The following RAB3B variants were observed in gnomAD, a reference collection of about 807,000 sequenced individuals.
The protein encoded by RAB3B is RAB3B, member RAS oncogene family, also known as ras-related protein Rab-3B.
RAB3B carries 11 observed loss-of-function variants against 20.5 expected under a neutral mutation model. The ratio of observed to expected loss-of-function variants is 0.54; its 90% CI spans 0.34 to 0.89. The LOEUF (loss-of-function observed/expected upper bound fraction) is 0.89, where lower values mean the gene tolerates loss of function less well. Among genes scored for constraint, RAB3B ranks in the 40% least tolerant of loss-of-function variants. RAB3B has a pLI of 0.02. For synonymous variants in RAB3B, 99 were observed against 106.3 expected (o/e 0.93, Z 0.42); for missense variants, 225 against 280.9 (o/e 0.80, Z 1.42).
At chr1:51,946,993 A>G (rs571951875) in intron 2 of RAB3B, among the ~76,000 whole-genome samples, 1 of 152,252 alleles carries the variant, frequency 6.6e-6, no homozygotes, top group East Asian at 1.9e-4. Context: ...TAATTGTTAT[A>G]TCAGCTTGAA....
rs55842249 is a variant in RAB3B at position 51,912,600 on chromosome 1, TAA to T, written c.*7325_*7326del. 3,068 of 30,574 alleles carry T rather than the reference TAA, an allele frequency of 0.1. 928 individuals carry two copies. Among genetic ancestry groups the T allele is most frequent in the Non-Finnish European group, 0.12 (1,997 of 16,004 alleles). 1.9% of individuals were successfully genotyped at this position (30,574 alleles called of 1,614,324 possible). On this transcript the variant is annotated 3_prime_UTR_variant, in exon 5 of 5. Transcript: ENST00000371655. ...ATATATATATATATATATATATATA[TAA>T]AAAATGTTACTCCTGTGAGACAGAA...
intron 4 of RAB3B, among the ~76,000 whole-genome samples, chr1:51,930,844 CG>C (rs1348668216): frequency 6.6e-6 from 1 of 151,970 alleles, no homozygotes; most frequent in Non-Finnish European, 1.5e-5. Context: ...GATGAAACCC[CG>C]TCTCTACTGA....
rs867590270 is a variant in RAB3B, at chr1:51,913,368, C to A, written c.*6559G>T. 57 of 152,110 alleles carry A rather than the reference C, an allele frequency of 3.7e-4. 1 individual carries two copies. The highest frequency in any genetic ancestry group is 1.4e-3 in the African/African-American group (57 of 41,406). The allele number at this position is 152,110 out of a possible 1,614,324, so 9.4% of individuals were successfully genotyped here. A position where few individuals can be genotyped will look rare whatever the true frequency, so the allele number is the denominator to read the frequency against. On this transcript the variant is annotated 3_prime_UTR_variant, in exon 5 of 5. Transcript: ENST00000371655. The stretch of plus-strand genomic sequence containing the variant: ...ATGTTTTAAGACCCCAGGACATCTA[C>A]CAGACTTAGTTTCAGAGGACTGAGG...
chr1:51,989,434 G>C (rs868237655), intron 1 of RAB3B, among the ~76,000 whole-genome samples: 2 of 151,846 alleles, frequency 1.3e-5, no homozygotes, highest in Non-Finnish European at 2.9e-5. Context: ...ACAAGGTCCA[G>C]TGCCTGGGTC....
intron 2 of RAB3B, among the ~76,000 whole-genome samples, chr1:51,954,738 A>G (rs1282361758): frequency 2.0e-5 from 3 of 152,216 alleles, no homozygotes; most frequent in Non-Finnish European, 4.4e-5. Context: ...TTCCATTTTC[A>G]ATGGTTTGTA....
intron 2 of RAB3B, among the ~76,000 whole-genome samples, chr1:51,950,197 G>C (rs1684619438): frequency 6.6e-6 from 1 of 152,204 alleles, no homozygotes. Flanking sequence ...TTCTCACTCT[G>C]GGTCATGGGT....
rs779060771 is a variant in RAB3B, at chr1:51,982,519, G to A, written c.1-5402C>T. On this transcript the variant is annotated intron_variant, in intron 1 of 4. Transcript: ENST00000371655. ...CTGTAACCCCAGACTTTGGGAGGCC[G>A]AGGCAGGCAGATCACTTAAGGTCAG... Among the ~76,000 whole-genome samples the A allele has an allele frequency of 5.3e-5, 8 of 152,212 alleles. No homozygotes were observed. In the South Asian group the frequency reaches 8.3e-4, roughly 16 times the overall value.
At chr1:51,948,613 C>T (rs1557969211) in intron 2 of RAB3B, among the ~76,000 whole-genome samples, 4 of 152,140 alleles carry the variant, frequency 2.6e-5, no homozygotes. Flanking sequence ...GGAAGAGGCC[C>T]ATTCCCAGAG....
At chr1:51,976,151 A>AATTTATTTATTT (rs113552260) in intron 2 of RAB3B, among the ~76,000 whole-genome samples, 4,715 of 150,534 alleles carry the variant, frequency 0.031, 99 homozygotes, top group Non-Finnish European at 0.039. Flanking sequence ...TGACACTACC[A>AATTTATTTATTT]ATTTATTTAT....
chr1:51,950,665 G>A (rs947492281), intron 2 of RAB3B, among the ~76,000 whole-genome samples: 1 of 152,154 alleles, frequency 6.6e-6, no homozygotes, highest in Non-Finnish European at 1.5e-5. Flanking sequence ...TATCTCTGGG[G>A]TCTTCATCCC....
chr1:51,938,636 T>C (rs1347076352), intron 2 of RAB3B, among the ~76,000 whole-genome samples: 1 of 151,356 alleles, frequency 6.6e-6, no homozygotes, highest in Non-Finnish European at 1.5e-5. Flanking sequence ...TTTCTCTGAA[T>C]AAGAGACAAG....
rs1022250319 is a variant in RAB3B, at chr1:51,914,412, C to T, written c.*5515G>A. 1.3e-5 allele frequency: 2 copies of T among 152,076 alleles called. No individual in the cohort carries two copies. The highest frequency in any genetic ancestry group is 1.5e-5 in the Non-Finnish European group (1 of 68,000). The allele number at this position is 152,076 out of a possible 1,614,324, so 9.4% of individuals were successfully genotyped here. A position where few individuals can be genotyped will look rare whatever the true frequency, so the allele number is the denominator to read the frequency against. On this transcript the variant is annotated 3_prime_UTR_variant, in exon 5 of 5. Coordinates refer to ENST00000371655, the MANE Select transcript of RAB3B (RefSeq NM_002867.4). The stretch of plus-strand genomic sequence containing the variant: ...TTGAGTGTTCTCACAGCATCACGTG[C>T]CTTTCCTTTAGAGTACTTTGTAATT...
intron 2 of RAB3B, among the ~76,000 whole-genome samples, chr1:51,970,061 C>T (rs934764765): frequency 2.7e-5 from 4 of 150,452 alleles, no homozygotes; most frequent in Admixed American, 2.6e-4. Context: ...CAGAGTTAGA[C>T]CCTATCTCAA....
intron 1 of RAB3B, among the ~76,000 whole-genome samples, chr1:51,982,130 T>C (rs1015465957): frequency 4.6e-5 from 7 of 152,182 alleles, no homozygotes; most frequent in African/African-American, 1.4e-4. Context: ...GGACAAGACA[T>C]GGAAATGGAA....
Position 51,918,792 on chromosome 1 carries a change from C to A in RAB3B, c.*1135G>T, listed in dbSNP as rs1684122959. ...TTCTAGGAGTCTAAGAACTAATAAC[C>A]AATTTCACTAAGTTCCCACAGTTAA... On this transcript the variant is annotated 3_prime_UTR_variant, in exon 5 of 5. Transcript: ENST00000371655. 6.6e-6 allele frequency: 1 copy of A among 152,276 alleles called. No individual in the cohort carries two copies. The highest frequency in any genetic ancestry group is 1.9e-4 in the East Asian group (1 of 5,184). 9.4% of individuals were successfully genotyped at this position (152,276 alleles called of 1,614,324 possible). A position where few individuals can be genotyped will look rare whatever the true frequency, so the allele number is the denominator to read the frequency against.
chr1:51,975,400 G>A (rs1209392584), intron 2 of RAB3B, among the ~76,000 whole-genome samples: 13 of 152,056 alleles, frequency 8.5e-5, no homozygotes, highest in Admixed American at 8.5e-4. Flanking sequence ...TAGTAGCTGT[G>A]GCAGCCAGCT....
chr1:51,962,626 T>G (rs759505097), intron 2 of RAB3B, among the ~76,000 whole-genome samples: 3 of 152,220 alleles, frequency 2.0e-5, no homozygotes, highest in Non-Finnish European at 2.9e-5. Context: ...AATTGCCATA[T>G]AGCTCAGTAC....
rs1054407317 is a variant in RAB3B at position 51,918,195 on chromosome 1, T to G, written c.*1732A>C. On this transcript the variant is annotated 3_prime_UTR_variant, in exon 5 of 5. Coordinates refer to ENST00000371655, the MANE Select transcript of RAB3B (RefSeq NM_002867.4). The stretch of plus-strand genomic sequence containing the variant: ...CCACACTCTCTGGTAGAAACTAAGG[T>G]TTCACTCCCAGGAGAAAGGGGTTGG... 2.0e-5 allele frequency: 3 copies of G among 152,166 alleles called. No individual in the cohort carries two copies. Among genetic ancestry groups the G allele is most frequent in the Non-Finnish European group, 4.4e-5 (3 of 68,020 alleles). The allele number at this position is 152,166 out of a possible 1,614,324, so 9.4% of individuals were successfully genotyped here.
chr1:51,936,284 G>A (rs942029623), intron 3 of RAB3B, among the ~76,000 whole-genome samples: 2 of 152,086 alleles, frequency 1.3e-5, no homozygotes, highest in Non-Finnish European at 2.9e-5. Flanking sequence ...CCTGGGAATC[G>A]TGCCCCAGGA....
Sources: gnomAD v4.1 joint callset for allele counts (sites outside exome capture counted in the v4.1 genomes callset) on GRCh38, gnomAD v4.1.1 for gene constraint, MANE v1.5 for transcripts, NCBI Gene and HGNC (gene_info 2026-07-23, HGNC 2026-07-21) for gene names.